Variants in MYH10 observed in about 807,000 individuals in gnomAD.
MYH10 encodes the protein myosin-10.
A neutral mutation model predicts 257.8 loss-of-function variants in MYH10; 55 were observed. The observed-to-expected ratio is 0.21, with a 90% CI of 0.17 to 0.27. The LOEUF is 0.27. Among genes scored for constraint, MYH10 ranks in the 10% least tolerant of loss-of-function variants. The pLI, the probability that MYH10 is intolerant of heterozygous loss-of-function variation, is 1.00. For missense variants in MYH10, 1,631 were observed against 2,500.6 expected (o/e 0.65, Z 7.42); for synonymous variants, 854 against 921.7 (o/e 0.93, Z 1.33).
intron 2 of MYH10, among the ~76,000 whole-genome samples, chr17:8,605,279 AAT>A (rs954992950): frequency 3.9e-5 from 6 of 152,218 alleles, no homozygotes; most frequent in Non-Finnish European, 7.3e-5. Context: ...AGGTACAATC[AAT>A]ATGTTATTTA....
intron 42 of MYH10, 119 bp downstream of exon 42, chr17:8,476,757 G>A (rs1912707157): frequency 8.9e-7 from 1 of 1,126,206 alleles, no homozygotes; most frequent in Admixed American, 2.7e-5. Context: ...AGTGGTTCGG[G>A]AGAAAGAATG....
At chr17:8,574,860 G>C (rs2083453410) in intron 6 of MYH10, among the ~76,000 whole-genome samples, 1 of 152,226 alleles carries the variant, frequency 6.6e-6, no homozygotes, top group African/African-American at 2.4e-5. Flanking sequence ...CACCCAGCAG[G>C]GGGAGAAGTA....
rs1281821225 is a variant in MYH10, at chr17:8,504,586, G to A, written c.3599+108C>T. On this transcript the variant is annotated intron_variant, in intron 28 of 42. Coordinates refer to ENST00000360416, the MANE Select transcript of MYH10 (RefSeq NM_001256012.3). This position sits in a 1 kb window ranked among gnomAD's most constrained non-coding sequence, Gnocchi z 5.6. ...ATCACCGTTCCACCTGCCATCACAA[G>A]GAAAAGCACACCACCTCCCAAAGAT... 1.0e-6 allele frequency: 1 copy of A among 956,782 alleles called. No individual in the cohort carries two copies. Among genetic ancestry groups the A allele is most frequent in the East Asian group, 2.5e-5 (1 of 40,658 alleles). The allele number at this position is 956,782 out of a possible 1,614,324, so 59.3% of individuals were successfully genotyped here. A position where few individuals can be genotyped will look rare whatever the true frequency, so the allele number is the denominator to read the frequency against.
chr17:8,494,219 T>TCC (rs1238411818), intron 31 of MYH10, among the ~76,000 whole-genome samples: 86 of 151,604 alleles, frequency 5.7e-4, no homozygotes, highest in African/African-American at 2.0e-3. Flanking sequence ...TCCCTTCCTC[T>TCC]CCACCCCCTG....
intron 36 of MYH10, 61 bp downstream of exon 36, chr17:8,487,370 CTG>C (rs1251679576): frequency 2.6e-5 from 41 of 1,596,130 alleles, no homozygotes; most frequent in African/African-American, 2.7e-5. Flanking sequence ...CTGCTGGACT[CTG>C]TGTAAAAGCC....
intron 3 of MYH10, among the ~76,000 whole-genome samples, chr17:8,594,768 T>C (rs2084297900): frequency 6.6e-6 from 1 of 152,188 alleles, no homozygotes; most frequent in Non-Finnish European, 1.5e-5. Flanking sequence ...CATCCTCCCC[T>C]ATATTGAAAC....
intron 2 of MYH10, among the ~76,000 whole-genome samples, chr17:8,622,454 A>G (rs553525608): frequency 2.0e-5 from 3 of 152,222 alleles, no homozygotes; most frequent in Admixed American, 2.0e-4. Flanking sequence ...CTACTTCCCT[A>G]CTACATCCAG....
At chr17:8,518,287 C>A (rs1474772088) in intron 21 of MYH10, among the ~76,000 whole-genome samples, 1 of 152,064 alleles carries the variant, frequency 6.6e-6, no homozygotes, top group African/African-American at 2.4e-5. Context: ...GCGCATGCTA[C>A]CAAGCCTGGC....
intron 41 of MYH10, 132 bp downstream of exon 41, chr17:8,478,206 T>C (rs1039437112): frequency 1.2e-5 from 9 of 771,804 alleles, no homozygotes; most frequent in African/African-American, 1.7e-5. Context: ...ACCAGGAACA[T>C]GGAACAGCCC....
At chr17:8,478,508 A>T in intron 40 of MYH10, 62 bp from the exon 41 acceptor site, 2 of 1,507,062 alleles carry the variant, frequency 1.3e-6, no homozygotes, top group Non-Finnish European at 1.8e-6. Context: ...GGGAAAAAAT[A>T]TTTTTTAAAG....
At position 8,586,895 on chromosome 17, in the gene MYH10, G is replaced by A. The variant is rs572936680; in HGVS notation, c.530+2186C>T. Among the ~76,000 whole-genome samples, 6 of 152,226 alleles carry A rather than the reference G, an allele frequency of 3.9e-5. No individual in the cohort carries two copies. In the East Asian group the frequency reaches 5.8e-4, roughly 15 times the overall value. The stretch of plus-strand genomic sequence containing the variant: ...TTTGTTTGTATTCCAACACATCCAC[G>A]GTGGATCAGCTAAAGTAATGGCTCC... On this transcript the variant is annotated intron_variant, in intron 4 of 42. Transcript: ENST00000360416.
chr17:8,526,261 T>C (rs1173314590), intron 17 of MYH10, among the ~76,000 whole-genome samples: 1 of 152,204 alleles, frequency 6.6e-6, no homozygotes, highest in Non-Finnish European at 1.5e-5. Flanking sequence ...GAGTATTTTC[T>C]TGTTGATCAA....
rs1449217041 is a variant in MYH10, at chr17:8,550,074, A to C, written c.920-1287T>G. Among the ~76,000 whole-genome samples, 921 of 149,952 alleles carry C rather than the reference A, an allele frequency of 6.1e-3. 4 individuals are homozygous for C. The highest frequency in any genetic ancestry group is 0.022 in the African/African-American group (888 of 40,802). Reference sequence around the variant, plus strand: ...TCCCAGCCGCCTGCCTTGGCCTCCCAAAGTGCCGAGATTGCAGCCTCTGCC... The same window carrying C: ...TCCCAGCCGCCTGCCTTGGCCTCCCCAAGTGCCGAGATTGCAGCCTCTGCC... On this transcript the variant is annotated intron_variant, in intron 9 of 42. Transcript: ENST00000360416.
chr17:8,600,251 T>C (rs1038882227), intron 3 of MYH10, among the ~76,000 whole-genome samples: 1 of 152,052 alleles, frequency 6.6e-6, no homozygotes, highest in African/African-American at 2.4e-5. Flanking sequence ...GTTTAGGAAA[T>C]GGGTAGAAGA....
intron 9 of MYH10, 128 bp from the exon 10 acceptor site, chr17:8,548,915 TG>T: frequency 1.5e-6 from 1 of 685,402 alleles, no homozygotes; most frequent in South Asian, 2.5e-5. Context: ...GCCAGCAAAA[TG>T]TTTTTTTTCT....
At chr17:8,516,167 G>C (rs1394913384) in intron 21 of MYH10, among the ~76,000 whole-genome samples, 2 of 152,194 alleles carry the variant, frequency 1.3e-5, no homozygotes, top group African/African-American at 4.8e-5. Context: ...GTTTTCATGA[G>C]GGAGCTGTGA....
intron 2 of MYH10, among the ~76,000 whole-genome samples, chr17:8,605,518 G>A (rs1045562808): frequency 1.3e-5 from 2 of 152,122 alleles, no homozygotes; most frequent in Non-Finnish European, 2.9e-5. Flanking sequence ...GGCCGAGGAG[G>A]GTGGATCACA....
chr17:8,526,845 A>T lies in MYH10; in HGVS notation c.1957+3778T>A, dbSNP rs116601211. ...ATTTACTTTCAAGTATTTAAGCTAG[A>T]TCTTCAGAAATTCATTCTACTTAAT... On this transcript the variant is annotated intron_variant, in intron 17 of 42. Coordinates refer to ENST00000360416, the MANE Select transcript of MYH10 (RefSeq NM_001256012.3). 3.6e-3 allele frequency among the ~76,000 whole-genome samples: 548 copies of T among 152,316 alleles called. 3 individuals are homozygous for T. Among genetic ancestry groups the T allele is most frequent in the African/African-American group, 0.013 (523 of 41,572 alleles).
Position 8,478,381 on chromosome 17 carries a change from T to C in MYH10, c.5663A>G (p.Gln1888Arg). The change falls in exon 41 of 43, where the codon CAG becomes CGG. Residue 1888 changes from glutamine to arginine, a missense_variant. This residue lies in a region of MYH10 where 343 missense variants were observed against 389.5 expected (regional missense o/e 0.88). Coordinates refer to ENST00000360416, the MANE Select transcript of MYH10 (RefSeq NM_001256012.3). ...TEKKLKEIFM[Q>R]VEDERRHADQ... ...CGCGTGTCGACGCTCATCCTCAACC[T>C]GCATGAAGATTTCTTTCAGCTTCTT... 1 of 1,614,258 alleles carries C rather than the reference T, an allele frequency of 6.2e-7. No homozygotes were observed. The highest frequency in any genetic ancestry group is 8.5e-7 in the Non-Finnish European group (1 of 1,180,046).
Sources: gnomAD v4.1 joint callset for allele counts (sites outside exome capture counted in the v4.1 genomes callset) on GRCh38, gnomAD v4.1.1 for gene constraint, gnomAD v4.1.1 regional missense constraint, Gnocchi (gnomAD v3.1) non-coding constraint, MANE v1.5 for transcripts, NCBI Gene and HGNC (gene_info 2026-07-23, HGNC 2026-07-21) for gene names.